The following RAPGEF5 variants were observed in gnomAD, a reference collection of about 807,000 sequenced individuals.
The protein encoded by RAPGEF5 is Rap guanine nucleotide exchange factor 5, also known as M-Ras-regulated GEF.
RAPGEF5 carries 65 observed loss-of-function variants against 125.2 expected under a neutral mutation model. The ratio of observed to expected loss-of-function variants is 0.52; its 90% CI spans 0.43 to 0.64. RAPGEF5 has a LOEUF of 0.64. Ranked by LOEUF, RAPGEF5 falls within the 30% of genes least tolerant of loss-of-function variation. The pLI is 0.00. For missense variants in RAPGEF5, 958 were observed against 1,048.1 expected (o/e 0.91, Z 1.19); for synonymous variants, 391 against 385.9 (o/e 1.01, Z -0.16).
chr7:22,355,423 T>C (rs1377523146), intron 1 of RAPGEF5, among the ~76,000 whole-genome samples: 2 of 152,190 alleles, frequency 1.3e-5, no homozygotes, highest in African/African-American at 4.8e-5. Flanking sequence ...TCAAGGATAA[T>C]AGAAACATAA....
intron 9 of RAPGEF5, among the ~76,000 whole-genome samples, chr7:22,207,426 T>A (rs931838624): frequency 6.6e-5 from 10 of 152,166 alleles, no homozygotes; most frequent in African/African-American, 2.4e-4. Flanking sequence ...CATGAAAATA[T>A]GAGGAAAGCC....
intron 5 of RAPGEF5, among the ~76,000 whole-genome samples, chr7:22,291,764 T>C (rs1443384331): frequency 6.6e-6 from 1 of 152,220 alleles, no homozygotes; most frequent in Admixed American, 6.5e-5. Flanking sequence ...GCTTTGTATT[T>C]GCTTTCTCAA....
chr7:22,147,425 C>T (rs1454788733), intron 18 of RAPGEF5, among the ~76,000 whole-genome samples: 2 of 152,208 alleles, frequency 1.3e-5, no homozygotes, highest in East Asian at 1.9e-4. Context: ...TGTCATGGTG[C>T]ACTTCAATAA....
chr7:22,207,878 G>A (rs1436220598), intron 9 of RAPGEF5, among the ~76,000 whole-genome samples: 2 of 152,132 alleles, frequency 1.3e-5, no homozygotes, highest in African/African-American at 4.8e-5. Flanking sequence ...TCCTGACCTG[G>A]CCATAACCCA....
chr7:22,325,849 C>T (rs762411009), intron 1 of RAPGEF5, among the ~76,000 whole-genome samples: 1 of 152,154 alleles, frequency 6.6e-6, no homozygotes, highest in African/African-American at 2.4e-5. Context: ...TATGAGTCAC[C>T]GCACCTGGCT....
intron 1 of RAPGEF5, among the ~76,000 whole-genome samples, chr7:22,336,016 A>G (rs1784021325): frequency 6.6e-6 from 1 of 152,216 alleles, no homozygotes. Flanking sequence ...TTGTTCAAAC[A>G]GAAAGCAAAT....
chr7:22,352,940 AGACAGCTAAGT>A (rs1433081224), intron 1 of RAPGEF5, among the ~76,000 whole-genome samples: 5 of 152,362 alleles, frequency 3.3e-5, no homozygotes, highest in Middle Eastern at 6.8e-3. Context: ...AGTAGAAGAC[AGACAGCTAAGT>A]GACACTACCT....
rs372525168 is a variant in RAPGEF5 at position 22,353,203 on chromosome 7, ACT to A, written c.231+3625_231+3626del. 3.8e-3 allele frequency among the ~76,000 whole-genome samples: 582 copies of A among 152,188 alleles called. 3 individuals are homozygous for A. The highest frequency in any genetic ancestry group is 0.013 in the African/African-American group (551 of 41,536). On this transcript the variant is annotated intron_variant, in intron 1 of 25. Transcript: ENST00000665637. Reference sequence around the variant, plus strand: ...GGATGTTCTACAGCACAAATGAACCACTCTCTTCTGCAAATCACTGGCATGAA... The same window carrying A: ...GGATGTTCTACAGCACAAATGAACCACTCTTCTGCAAATCACTGGCATGAA...
rs773265111 is a variant in RAPGEF5, at chr7:22,122,359, C to T, written c.*47G>A. On this transcript the variant is annotated 3_prime_UTR_variant, in exon 26 of 26. Coordinates refer to ENST00000665637, the MANE Select transcript of RAPGEF5 (RefSeq NM_012294.5). The stretch of plus-strand genomic sequence containing the variant: ...AGCAACGTGCTTGGCATAGACATTC[C>T]CGTAGCTCAAAGTGCTGCAGATACA... 1.4e-6 allele frequency: 2 copies of T among 1,453,134 alleles called. No homozygotes were observed. The highest frequency in any genetic ancestry group is 1.9e-6 in the Non-Finnish European group (2 of 1,038,406). The allele number at this position is 1,453,134 out of a possible 1,614,324, so 90.0% of individuals were successfully genotyped here.
At chr7:22,236,723 G>A (rs555412182) in intron 7 of RAPGEF5, among the ~76,000 whole-genome samples, 2 of 152,290 alleles carry the variant, frequency 1.3e-5, no homozygotes, top group South Asian at 4.1e-4. Context: ...AATTGCCGGA[G>A]TTCCATCCCC....
intron 24 of RAPGEF5, 33 bp from the exon 25 acceptor site, chr7:22,125,691 A>T (rs1228151853): frequency 6.4e-7 from 1 of 1,557,538 alleles, no homozygotes; most frequent in Non-Finnish European, 8.9e-7. Context: ...CATCAATGGA[A>T]GGGTCGTTGA....
intron 7 of RAPGEF5, among the ~76,000 whole-genome samples, chr7:22,245,921 TCTATACA>T (rs1786464161): frequency 7.9e-5 from 12 of 152,114 alleles, no homozygotes; most frequent in Admixed American, 7.9e-4. Context: ...CAGTAGCATT[TCTATACA>T]CCAATAATGT....
At chr7:22,202,937 A>C (rs1304584799) in intron 9 of RAPGEF5, 1 of 359,462 alleles carries the variant, frequency 2.8e-6, no homozygotes, top group Non-Finnish European at 5.6e-6. Flanking sequence ...AAAAATATAC[A>C]AACTATATTG....
intron 5 of RAPGEF5, among the ~76,000 whole-genome samples, chr7:22,308,101 G>A (rs937165451): frequency 2.6e-5 from 4 of 152,120 alleles, no homozygotes; most frequent in Admixed American, 6.5e-5. Context: ...TGATAATTTA[G>A]AAACCACATG....
intron 17 of RAPGEF5, among the ~76,000 whole-genome samples, chr7:22,151,156 G>C (rs955547599): frequency 1.3e-5 from 2 of 152,118 alleles, no homozygotes; most frequent in Non-Finnish European, 2.9e-5. Flanking sequence ...TGTGTGCTAA[G>C]TACTGGCACG....
intron 6 of RAPGEF5, among the ~76,000 whole-genome samples, chr7:22,287,018 T>A (rs1782814240): frequency 6.6e-6 from 1 of 152,226 alleles, no homozygotes. Flanking sequence ...GAAAGGAGGC[T>A]AAGCTGATAA....
intron 5 of RAPGEF5, among the ~76,000 whole-genome samples, chr7:22,303,258 T>A (rs188393776): frequency 6.6e-6 from 1 of 152,216 alleles, no homozygotes; most frequent in Non-Finnish European, 1.5e-5. Flanking sequence ...TGGCTGTCTG[T>A]TGGAAGGAGA....
In RAPGEF5 at chr7:22,118,756, T is replaced by C. The variant is rs1782477808; in HGVS notation, c.*3650A>G. The C allele has an allele frequency of 6.6e-6, 1 of 152,584 alleles. No individual in the cohort carries two copies. The highest frequency in any genetic ancestry group is 1.5e-5 in the Non-Finnish European group (1 of 68,032). 9.5% of individuals were successfully genotyped at this position (152,584 alleles called of 1,614,324 possible). On this transcript the variant is annotated 3_prime_UTR_variant, in exon 26 of 26. Coordinates refer to ENST00000665637, the MANE Select transcript of RAPGEF5 (RefSeq NM_012294.5). ...AGGTCACTGATTTCATCCCAGTATT[T>C]AATAACAGTGTGATACGAATACAAT...
intron 1 of RAPGEF5, among the ~76,000 whole-genome samples, chr7:22,325,066 T>G (rs1783787212): frequency 6.6e-6 from 1 of 152,160 alleles, no homozygotes; most frequent in African/African-American, 2.4e-5. Flanking sequence ...TCTGTGCACT[T>G]TCCTGTATTT....
Sources: gnomAD v4.1 joint callset for allele counts (sites outside exome capture counted in the v4.1 genomes callset) on GRCh38, gnomAD v4.1.1 for gene constraint, MANE v1.5 for transcripts, NCBI Gene and HGNC (gene_info 2026-07-23, HGNC 2026-07-21) for gene names.